The following MPHOSPH8 variants were observed in gnomAD, a reference collection of about 807,000 sequenced individuals.
MPHOSPH8 encodes the protein M-phase phosphoprotein 8.
In MPHOSPH8, 45 loss-of-function variants were observed where a neutral mutation model predicts 87.3. The observed-to-expected ratio is 0.52, with a 90% CI of 0.41 to 0.66. The LOEUF is 0.66. Ranked by LOEUF, MPHOSPH8 falls within the 30% of genes least tolerant of loss-of-function variation. MPHOSPH8 has a pLI of 0.00. For missense variants in MPHOSPH8, 883 were observed against 1,020.2 expected, an observed-to-expected ratio of 0.87 and a Z score of 1.83; for synonymous variants, 366 against 376.9, an observed-to-expected ratio of 0.97 and a Z score of 0.33.
chr13:19,659,329 A>C (rs1271778173), intron 7 of MPHOSPH8, 40 bp downstream of exon 7: 4 of 1,424,014 alleles, frequency 2.8e-6, no homozygotes, highest in African/African-American at 1.4e-5. Flanking sequence ...GGAAAATGGA[A>C]AGTAACACTT....
At chr13:19,636,137 G>A (rs927060776) in intron 1 of MPHOSPH8, among the ~76,000 whole-genome samples, 1 of 152,220 alleles carries the variant, frequency 6.6e-6, no homozygotes, top group African/African-American at 2.4e-5. Context: ...GTTTGAGAAC[G>A]GACTAATACA....
rs768424354 is a variant in MPHOSPH8, at chr13:19,672,990, A to C, written c.*1115A>C. ...AGGATTGCTTGAGCCAGGGAGGTCAAGGCTGCAGTGAGCCGTGAAAGGCCA... is the reference window on the plus strand; with the variant it reads ...AGGATTGCTTGAGCCAGGGAGGTCACGGCTGCAGTGAGCCGTGAAAGGCCA... On this transcript the variant is annotated 3_prime_UTR_variant, in exon 14 of 14. Coordinates refer to ENST00000361479, the MANE Select transcript of MPHOSPH8 (RefSeq NM_017520.4). 1.7e-5 allele frequency: 7 copies of C among 424,066 alleles called. No homozygotes were observed. The highest frequency in any genetic ancestry group is 1.0e-4 in the African/African-American group (5 of 47,832). The allele number at this position is 424,066 out of a possible 1,614,324, so 26.3% of individuals were successfully genotyped here.
intron 2 of MPHOSPH8, 36 bp downstream of exon 2, chr13:19,642,306 A>G (rs1874338464): frequency 6.7e-7 from 1 of 1,489,470 alleles, no homozygotes; most frequent in Non-Finnish European, 9.0e-7. Context: ...TTTTACATAC[A>G]TAAATTTATT....
Position 19,659,084 on chromosome 13 carries a change from G to T in MPHOSPH8, c.1666G>T (p.Asp556Tyr). The change falls in exon 6 of 14, where the codon GAT (aspartate) becomes TAT (tyrosine). Residue 556 changes from aspartate to tyrosine, a missense_variant. Asp to Tyr is a radical substitution (Grantham distance 160, BLOSUM62 -3). Coordinates refer to ENST00000361479, the MANE Select transcript of MPHOSPH8 (RefSeq NM_017520.4). ...EDFQKHLDGK[D>Y]ENFAATDAIP... ...TTTCCAAAAGCACCTTGATGGGAAA[G>T]ATGAGAATTTTGCTGCAACAGATGC... 1 of 1,614,170 alleles carries T rather than the reference G, an allele frequency of 6.2e-7. No individual in the cohort carries two copies.
At chr13:19,659,664 CAAAAA>C in intron 7 of MPHOSPH8, 3 of 321,554 alleles carry the variant, frequency 9.3e-6, no homozygotes, top group Non-Finnish European at 1.2e-5. Flanking sequence ...ACTCCCATCT[CAAAAA>C]AAAAAAAAAT....
intron 4 of MPHOSPH8, among the ~76,000 whole-genome samples, chr13:19,648,894 A>G (rs1019368584): frequency 1.3e-5 from 2 of 152,208 alleles, no homozygotes; most frequent in African/African-American, 4.8e-5. Context: ...ATTTCTTGAA[A>G]ACAAACAAAA....
chr13:19,661,932 C>T, intron 8 of MPHOSPH8, 94 bp downstream of exon 8: 1 of 1,292,296 alleles, frequency 7.7e-7, no homozygotes, highest in Admixed American at 2.8e-5. Flanking sequence ...ATAGCAGTCA[C>T]ATGGTCACAT....
intron 1 of MPHOSPH8, among the ~76,000 whole-genome samples, chr13:19,636,883 T>G (rs182234005): frequency 5.9e-5 from 9 of 152,336 alleles, no homozygotes; most frequent in African/African-American, 2.2e-4. Context: ...AAGGAAACTT[T>G]GGCTACCAAG....
At chr13:19,656,362 A>G (rs1042103705) in intron 5 of MPHOSPH8, among the ~76,000 whole-genome samples, 1 of 151,862 alleles carries the variant, frequency 6.6e-6, no homozygotes, top group African/African-American at 2.4e-5. Context: ...AGAAGTATTA[A>G]AAATGTAGCA....
At chr13:19,671,058 C>A (rs997090871) in intron 12 of MPHOSPH8, 148 bp from the exon 13 acceptor site, 1 of 1,437,682 alleles carries the variant, frequency 7.0e-7, no homozygotes, top group South Asian at 1.5e-5. Flanking sequence ...TGGGCTCAAG[C>A]GATTGTCCGC....
rs1876206277 is a variant in MPHOSPH8 at position 19,672,749 on chromosome 13, C to G, written c.*874C>G. The G allele has an allele frequency of 5.8e-6, 1 of 171,714 alleles. No individual in the cohort carries two copies. The highest frequency in any genetic ancestry group is 2.4e-5 in the African/African-American group (1 of 42,116). 10.6% of individuals were successfully genotyped at this position (171,714 alleles called of 1,614,324 possible). ...TCTTTTCAAAGGGTAACAAGAGAATCTAAGATGTAGTAAGAATGTAAACCA... is the reference window on the plus strand; with the variant it reads ...TCTTTTCAAAGGGTAACAAGAGAATGTAAGATGTAGTAAGAATGTAAACCA... On this transcript the variant is annotated 3_prime_UTR_variant, in exon 14 of 14. Transcript: ENST00000361479.
In MPHOSPH8 at chr13:19,633,740, G is replaced by A; in HGVS notation, c.-9G>A. On this transcript the variant is annotated 5_prime_UTR_variant, in exon 1 of 14. Transcript: ENST00000361479. ...CGGGTTTTCCTCGGCGGTTTGCGGA[G>A]CTGCTAGGATGGAGCAGGTTGCGGA... 1.3e-6 allele frequency: 2 copies of A among 1,581,688 alleles called. No homozygotes were observed. Among genetic ancestry groups the A allele is most frequent in the Non-Finnish European group, 1.7e-6 (2 of 1,164,272 alleles).
chr13:19,671,674 T>C (rs928529559), intron 13 of MPHOSPH8, among the ~76,000 whole-genome samples, 160 bp from the exon 14 acceptor site: 1 of 152,228 alleles, frequency 6.6e-6, no homozygotes, highest in Non-Finnish European at 1.5e-5. Flanking sequence ...TGGAATTATT[T>C]CTTGAATTAA....
chr13:19,671,074 C>A, intron 12 of MPHOSPH8, 132 bp from the exon 13 acceptor site: 1 of 1,459,452 alleles, frequency 6.9e-7, no homozygotes, highest in South Asian at 1.4e-5. Flanking sequence ...TCCGCCTTGG[C>A]CTCCTCCACA....
Position 19,672,667 on chromosome 13 carries a change from C to G in MPHOSPH8, c.*792C>G, listed in dbSNP as rs937011121. The G allele has an allele frequency of 1.3e-5, 2 of 156,726 alleles. No homozygotes were observed. Among genetic ancestry groups the G allele is most frequent in the African/African-American group, 2.4e-5 (1 of 41,470 alleles). The allele number at this position is 156,726 out of a possible 1,614,324, so 9.7% of individuals were successfully genotyped here. ...TAGTAGACAGTTGCCACACATTCCC[C>G]AAGCACAAAAGGTGGAGATGGCAGT... is the stretch of plus-strand genomic sequence containing the variant. On this transcript the variant is annotated 3_prime_UTR_variant, in exon 14 of 14. Coordinates refer to ENST00000361479, the MANE Select transcript of MPHOSPH8 (RefSeq NM_017520.4).
intron 10 of MPHOSPH8, among the ~76,000 whole-genome samples, chr13:19,667,823 A>G (rs966229638): frequency 6.6e-6 from 1 of 152,226 alleles, no homozygotes; most frequent in African/African-American, 2.4e-5. Context: ...TAGTATTTCT[A>G]TCACTTAAGA....
chr13:19,635,076 ATT>A (rs2137490244), intron 1 of MPHOSPH8, among the ~76,000 whole-genome samples: 1 of 152,344 alleles, frequency 6.6e-6, no homozygotes, highest in South Asian at 2.1e-4. Flanking sequence ...TGTCATTAAT[ATT>A]GTTATTTGCA....
rs780385682 is a variant in MPHOSPH8 at position 19,662,858 on chromosome 13, C to T, written c.1933-182C>T. Among the ~76,000 whole-genome samples, 8 of 152,236 alleles carry T rather than the reference C, an allele frequency of 5.3e-5. 1 individual carries two copies. Among genetic ancestry groups the T allele is most frequent in the Non-Finnish European group, 8.8e-5 (6 of 68,040 alleles). Reference sequence around the variant, plus strand: ...CAGTTGCTGGCAGCACAGTGAGTGGCCACGTTTGGGCCTCTGTGGGGCGGG... The same window carrying T: ...CAGTTGCTGGCAGCACAGTGAGTGGTCACGTTTGGGCCTCTGTGGGGCGGG... On this transcript the variant is annotated intron_variant, in intron 8 of 13. Transcript: ENST00000361479.
chr13:19,647,238 C>T lies in MPHOSPH8; in HGVS notation c.1165C>T (p.Arg389Trp), dbSNP rs142808828. ...MPVSAQTPKG[R>W]RLSGEERGLW... ...TGTATCTGCCCAAACGCCAAAGGGC[C>T]GGAGGTTGAGCGGGGAAGAGAGAGG... Residue 389 changes from arginine (R) to tryptophan (W), a missense_variant, in exon 3 of 14, where the codon CGG (arginine) becomes TGG (tryptophan). Arg to Trp is a moderately radical substitution (Grantham distance 101). Transcript: ENST00000361479. 3.2e-5 allele frequency: 52 copies of T among 1,613,014 alleles called. 1 individual carries two copies. Among genetic ancestry groups the T allele is most frequent in the South Asian group, 3.1e-4 (28 of 90,966 alleles).
Sources: gnomAD v4.1 joint callset for allele counts (sites outside exome capture counted in the v4.1 genomes callset) on GRCh38, gnomAD v4.1.1 for gene constraint, MANE v1.5 for transcripts, NCBI Gene and HGNC (gene_info 2026-07-23, HGNC 2026-07-21) for gene names.